HIVEP3: variants seen among roughly 807,000 people sequenced by gnomAD.
HIVEP3 encodes the protein transcription factor HIVEP3.
Under a neutral mutation model 152.8 loss-of-function variants are expected in HIVEP3, and 49 were observed. That is an observed-to-expected ratio of 0.32 (90% CI 0.26 to 0.41). HIVEP3 has a LOEUF of 0.41. Ranked by LOEUF, HIVEP3 falls within the 10% of genes least tolerant of loss-of-function variation. HIVEP3 has a pLI of 1.00. For missense variants in HIVEP3, 2,790 were observed against 3,103.3 expected (o/e 0.90, Z 2.40); for synonymous variants, 1,269 against 1,289.0 (o/e 0.98, Z 0.33).
intron 5 of HIVEP3, among the ~76,000 whole-genome samples, chr1:41,539,343 C>G (rs890120047): frequency 3.9e-5 from 6 of 152,242 alleles, no homozygotes; most frequent in African/African-American, 1.4e-4. Flanking sequence ...CTCCTTCACA[C>G]AAGTCTCCAA....
rs190728392 is a variant in HIVEP3, at chr1:41,777,618, G to A, written c.-800-76623C>T. ...TGCATATAACAGTTCACATGCATTC[G>A]CTTTCCGTGTGTGCAGAGGAAAGAG... On this transcript the variant is annotated intron_variant, in intron 1 of 8. Coordinates refer to ENST00000372583, the MANE Select transcript of HIVEP3 (RefSeq NM_024503.5). Among the ~76,000 whole-genome samples, 191 of 152,334 alleles carry A rather than the reference G, an allele frequency of 1.3e-3. 1 individual carries two copies. Among genetic ancestry groups the A allele is most frequent in the Non-Finnish European group, 1.6e-3 (112 of 68,032 alleles).
chr1:41,670,389 C>A lies in HIVEP3; in HGVS notation c.-721+30527G>T, dbSNP rs146613569. 1.5e-3 allele frequency among the ~76,000 whole-genome samples: 232 copies of A among 152,296 alleles called. 1 individual carries two copies. Among genetic ancestry groups the A allele is most frequent in the African/African-American group, 5.1e-3 (211 of 41,562 alleles). On this transcript the variant is annotated intron_variant, in intron 2 of 8. Coordinates refer to ENST00000372583, the MANE Select transcript of HIVEP3 (RefSeq NM_024503.5). ...AGCCATGGCCCATGTTTAGCAAAAA[C>A]AGGATGCTGCCCTGAGCCCAGGTGC...
intron 5 of HIVEP3, among the ~76,000 whole-genome samples, chr1:41,535,042 C>A (rs1643364614): frequency 6.6e-6 from 1 of 152,186 alleles, no homozygotes; most frequent in African/African-American, 2.4e-5. Context: ...TCCCATCAAC[C>A]ATTTTACCAT....
In HIVEP3 at chr1:41,511,187, T is replaced by C. The variant is rs1252155088; in HGVS notation, c.6485A>G (p.His2162Arg). The C allele has an allele frequency of 3.7e-6, 6 of 1,613,998 alleles. No individual in the cohort carries two copies. The highest frequency in any genetic ancestry group is 1.1e-5 in the South Asian group (1 of 91,068). ...GGCCAGGATGTGGCCGTGGAAGTCATGGAGGGCGGAGAAGGGTCGGGAGGA... is the reference window on the plus strand; with the variant it reads ...GGCCAGGATGTGGCCGTGGAAGTCACGGAGGGCGGAGAAGGGTCGGGAGGA... ...PLSSRPFSAL[H>R]DFHGHILART... Residue 2162 changes from histidine to arginine, a missense_variant, in exon 9 of 9, where the codon CAT becomes CGT. This residue lies in a region of HIVEP3 where 816 missense variants were observed against 806.5 expected (regional missense o/e 1.01). Coordinates refer to ENST00000372583, the MANE Select transcript of HIVEP3 (RefSeq NM_024503.5). The surrounding 1 kb of genome is among the most constrained non-coding windows in gnomAD (Gnocchi z 4.9).
chr1:41,638,556 T>C (rs1449974462), intron 2 of HIVEP3, among the ~76,000 whole-genome samples: 2 of 152,218 alleles, frequency 1.3e-5, no homozygotes, highest in Non-Finnish European at 2.9e-5. Flanking sequence ...TATGTGTATT[T>C]TACCATAATA....
rs752867097 is a variant in HIVEP3, at chr1:41,606,955, T to C, written c.-521-21637A>G. Among the ~76,000 whole-genome samples the C allele has an allele frequency of 1.8e-4, 27 of 152,266 alleles. 1 individual carries two copies. The highest frequency in any genetic ancestry group is 1.5e-3 in the South Asian group (7 of 4,822). On this transcript the variant is annotated intron_variant, in intron 3 of 8. Transcript: ENST00000372583. Reference sequence around the variant, plus strand: ...CCTGCCCTAAAGTCAGTATGATCTTTCTAGTTTAAAATCTGTGTGTGTTTC... The same window carrying C: ...CCTGCCCTAAAGTCAGTATGATCTTCCTAGTTTAAAATCTGTGTGTGTTTC...
In HIVEP3 at chr1:41,511,428, G is replaced by T. The variant is rs531731845; in HGVS notation, c.6406-162C>A. Among the ~76,000 whole-genome samples, 1 of 152,316 alleles carries T rather than the reference G, an allele frequency of 6.6e-6. No homozygotes were observed. The highest frequency in any genetic ancestry group is 2.4e-5 in the African/African-American group (1 of 41,564). On this transcript the variant is annotated intron_variant, in intron 8 of 8. Transcript: ENST00000372583. This position sits in a 1 kb window ranked among gnomAD's most constrained non-coding sequence, Gnocchi z 4.9. ...CCAAGTTCCTGACTCCCTGCCCACA[G>T]ATGCTGAGCCAGCTGCCATCTCTGG...
intron 5 of HIVEP3, among the ~76,000 whole-genome samples, chr1:41,573,948 C>T (rs1367211296): frequency 1.3e-5 from 2 of 152,160 alleles, no homozygotes; most frequent in Non-Finnish European, 2.9e-5. Flanking sequence ...CCCCCTCCTT[C>T]AGCCATTGCA....
intron 5 of HIVEP3, among the ~76,000 whole-genome samples, chr1:41,550,437 A>C (rs656117): frequency 0.26 from 39,419 of 152,068 alleles, 5,366 homozygotes; most frequent in East Asian, 0.46. Context: ...TGGGGATGGC[A>C]TTGAATCTAT....
chr1:41,880,359 G>A (rs1458992814), intron 1 of HIVEP3, among the ~76,000 whole-genome samples: 1 of 152,146 alleles, frequency 6.6e-6, no homozygotes, highest in Admixed American at 6.5e-5. Context: ...CTTAATAAAT[G>A]GTAGGGCTGA....
chr1:41,512,984 T>G lies in HIVEP3; in HGVS notation c.6237A>C (p.Ser2079=). Residue 2079 remains serine (S), a synonymous_variant, in exon 8 of 9, where the codon TCA becomes TCC. Coordinates refer to ENST00000372583, the MANE Select transcript of HIVEP3 (RefSeq NM_024503.5). The part of the protein sequence containing the change: ...TRRWSPGQAE[S]PPRSAPPGKW... ...TCCCTGGCGGCGCTGACCGTGGTGG[T>G]GACTCGGCCTGACCTGGAGACCATC... 1 of 1,613,136 alleles carries G rather than the reference T, an allele frequency of 6.2e-7. No homozygotes were observed. The highest frequency in any genetic ancestry group is 1.1e-5 in the South Asian group (1 of 91,004).
At chr1:41,710,907 G>A (rs1266001144) in intron 1 of HIVEP3, among the ~76,000 whole-genome samples, 1 of 152,214 alleles carries the variant, frequency 6.6e-6, no homozygotes, top group African/African-American at 2.4e-5. Context: ...CCCCAAAGAG[G>A]GCCTTATCGT....
chr1:41,740,344 T>C (rs554439932), intron 1 of HIVEP3, among the ~76,000 whole-genome samples: 8 of 152,320 alleles, frequency 5.3e-5, no homozygotes, highest in Admixed American at 1.3e-4. Flanking sequence ...TTAATGTAGG[T>C]GGGACAGGAC....
chr1:41,629,056 C>A, intron 2 of HIVEP3, 109 bp from the exon 3 acceptor site: 1 of 727,392 alleles, frequency 1.4e-6, no homozygotes, highest in Non-Finnish European at 1.9e-6. Context: ...CAACTACTCC[C>A]AAGCAGCTTT....
At chr1:41,789,219 A>C (rs1249628352) in intron 1 of HIVEP3, among the ~76,000 whole-genome samples, 1 of 152,182 alleles carries the variant, frequency 6.6e-6, no homozygotes, top group Non-Finnish European at 1.5e-5. Context: ...GGGAGCACTT[A>C]CCTAAAACAA....
chr1:41,777,816 T>C (rs1225365042), intron 1 of HIVEP3, among the ~76,000 whole-genome samples: 1 of 152,208 alleles, frequency 6.6e-6, no homozygotes, highest in Non-Finnish European at 1.5e-5. Flanking sequence ...CGCACAGTAG[T>C]CCACCCAGCT....
chr1:41,807,033 A>T (rs1043856931), intron 1 of HIVEP3, among the ~76,000 whole-genome samples: 2 of 151,934 alleles, frequency 1.3e-5, no homozygotes, highest in Non-Finnish European at 2.9e-5. Flanking sequence ...CGCCCAGCCC[A>T]CCTACGGCTC....
intron 1 of HIVEP3, among the ~76,000 whole-genome samples, chr1:42,029,421 C>T (rs1241559688): frequency 6.6e-6 from 1 of 152,172 alleles, no homozygotes; most frequent in Non-Finnish European, 1.5e-5. Flanking sequence ...AAACCTCAGT[C>T]TACTCATCTG....
chr1:42,013,037 T>C (rs1645502383), intron 1 of HIVEP3, among the ~76,000 whole-genome samples: 2 of 152,224 alleles, frequency 1.3e-5, no homozygotes, highest in Admixed American at 1.3e-4. Flanking sequence ...AAAAATTTAT[T>C]GTCTACAGTT....
Sources: allele counts gnomAD v4.1 joint callset (sites outside exome capture counted in the v4.1 genomes callset), GRCh38; gene constraint gnomAD v4.1.1; regional missense constraint gnomAD v4.1.1; non-coding constraint Gnocchi (gnomAD v3.1); transcripts MANE v1.5; gene names NCBI Gene and HGNC (gene_info 2026-07-23, HGNC 2026-07-21).